The following CSMD1 variants were observed in gnomAD, a reference collection of about 807,000 sequenced individuals.
The protein encoded by CSMD1 is CUB and Sushi multiple domains 1.
Under a neutral mutation model 417.5 loss-of-function variants are expected in CSMD1, and 213 were observed. That is an observed-to-expected ratio of 0.51 (90% CI 0.46 to 0.57). CSMD1 has a LOEUF of 0.57. Ranked by LOEUF, CSMD1 falls within the 20% of genes least tolerant of loss-of-function variation. The pLI, the probability that CSMD1 is intolerant of heterozygous loss-of-function variation, is 0.00. For missense variants in CSMD1, 6,923 were observed against 4,529.7 expected (o/e 1.53, Z -15.17); for synonymous variants, 2,862 against 1,736.8 (o/e 1.65, Z -16.11).
intron 3 of CSMD1, among the ~76,000 whole-genome samples, chr8:4,304,496 C>G (rs867000071): frequency 1.3e-5 from 2 of 152,140 alleles, no homozygotes; most frequent in Non-Finnish European, 2.9e-5. Flanking sequence ...CTGACACAAA[C>G]GTAAGCCTTA....
chr8:3,566,392 C>T (rs777676127), intron 10 of CSMD1, among the ~76,000 whole-genome samples: 7 of 152,122 alleles, frequency 4.6e-5, no homozygotes, highest in South Asian at 4.2e-4. Context: ...GAAATACGAA[C>T]GGACCCAGGA....
intron 50 of CSMD1, among the ~76,000 whole-genome samples, chr8:3,036,059 T>C (rs1490296561): frequency 1.3e-5 from 2 of 152,198 alleles, no homozygotes; most frequent in African/African-American, 2.4e-5. Context: ...CAGTTGAAAG[T>C]ATAAACAATA....
intron 1 of CSMD1, among the ~76,000 whole-genome samples, chr8:4,868,060 T>C (rs1210809367): frequency 6.6e-6 from 1 of 152,040 alleles, no homozygotes; most frequent in Non-Finnish European, 1.5e-5. Flanking sequence ...GATCTCTACT[T>C]TGTCTCTTAT....
chr8:3,201,754 C>T (rs1227859798), intron 31 of CSMD1, 29 bp from the exon 32 acceptor site: 2 of 1,372,280 alleles, frequency 1.5e-6, no homozygotes, highest in South Asian at 1.3e-5. Context: ...GATGTTGGCA[C>T]AAGATGCTCT....
chr8:4,830,679 C>T (rs542275554), intron 1 of CSMD1, among the ~76,000 whole-genome samples: 1 of 152,124 alleles, frequency 6.6e-6, no homozygotes, highest in African/African-American at 2.4e-5. Context: ...TAATGCATGC[C>T]AACTAATGCC....
At chr8:4,365,699 C>T (rs1393824690) in intron 3 of CSMD1, among the ~76,000 whole-genome samples, 1 of 152,154 alleles carries the variant, frequency 6.6e-6, no homozygotes, top group Non-Finnish European at 1.5e-5. Context: ...CTGATCCAGC[C>T]TGAGACTTTC....
chr8:3,863,967 C>A (rs917186413), intron 5 of CSMD1, among the ~76,000 whole-genome samples: 5 of 152,040 alleles, frequency 3.3e-5, no homozygotes, highest in African/African-American at 1.2e-4. Flanking sequence ...ATTCTTTTTC[C>A]TGAGGCTGCA....
At chr8:4,226,188 G>A (rs771639737) in intron 3 of CSMD1, among the ~76,000 whole-genome samples, 3 of 151,834 alleles carry the variant, frequency 2.0e-5, no homozygotes, top group Non-Finnish European at 4.4e-5. Context: ...ACTTAAAGGA[G>A]ATCATTTTAC....
intron 7 of CSMD1, among the ~76,000 whole-genome samples, chr8:3,704,432 A>C (rs2129038228): frequency 6.6e-6 from 1 of 152,308 alleles, no homozygotes; most frequent in Admixed American, 6.5e-5. Flanking sequence ...AAACAAGAGA[A>C]GTGGTACTTT....
intron 12 of CSMD1, among the ~76,000 whole-genome samples, chr8:3,466,930 T>C (rs1255819643): frequency 6.6e-6 from 1 of 152,190 alleles, no homozygotes; most frequent in Non-Finnish European, 1.5e-5. Context: ...TCAAATGTTG[T>C]ATTGGTTAAT....
intron 1 of CSMD1, among the ~76,000 whole-genome samples, chr8:4,728,213 G>T (rs1187338212): frequency 6.8e-6 from 1 of 147,166 alleles, no homozygotes; most frequent in East Asian, 2.0e-4. Context: ...ATATATATTT[G>T]GTATATATAA....
At chr8:3,887,263 G>A (rs1027830202) in intron 5 of CSMD1, among the ~76,000 whole-genome samples, 2 of 152,164 alleles carry the variant, frequency 1.3e-5, no homozygotes, top group African/African-American at 4.8e-5. Flanking sequence ...CACAGCAGTG[G>A]TGACACAACC....
intron 2 of CSMD1, among the ~76,000 whole-genome samples, chr8:4,528,997 C>T (rs1034971170): frequency 9.9e-5 from 15 of 151,978 alleles, no homozygotes; most frequent in African/African-American, 1.5e-4. Flanking sequence ...CAAAAGGTGA[C>T]GTTTGTAAAA....
chr8:4,141,616 C>T (rs932604418), intron 3 of CSMD1, among the ~76,000 whole-genome samples: 2 of 150,506 alleles, frequency 1.3e-5, no homozygotes, highest in Admixed American at 6.6e-5. Context: ...ACGATTCCTC[C>T]ACTATATTTT....
At chr8:4,315,985 T>G (rs1213134877) in intron 3 of CSMD1, among the ~76,000 whole-genome samples, 1 of 152,178 alleles carries the variant, frequency 6.6e-6, no homozygotes, top group Non-Finnish European at 1.5e-5. Flanking sequence ...AATGTCATCT[T>G]TTATTCTTTT....
chr8:4,311,430 G>C (rs1391839907), intron 3 of CSMD1, among the ~76,000 whole-genome samples: 1 of 152,140 alleles, frequency 6.6e-6, no homozygotes, highest in Non-Finnish European at 1.5e-5. Flanking sequence ...TCACTTATGA[G>C]TGGAATCTAA....
At chr8:4,221,817 C>T (rs1011040770) in intron 3 of CSMD1, among the ~76,000 whole-genome samples, 3 of 152,154 alleles carry the variant, frequency 2.0e-5, no homozygotes, top group Non-Finnish European at 2.9e-5. Context: ...CCTTTTCCTA[C>T]TTGGCTCTGA....
chr8:4,093,113 C>G (rs1201495655), intron 3 of CSMD1, among the ~76,000 whole-genome samples: 8 of 152,020 alleles, frequency 5.3e-5, no homozygotes, highest in Admixed American at 3.3e-4. Flanking sequence ...GCCCTTGTGC[C>G]TAAAATCTCC....
intron 8 of CSMD1, among the ~76,000 whole-genome samples, chr8:3,603,128 G>C (rs764959983): frequency 3.2e-4 from 49 of 152,276 alleles, no homozygotes; most frequent in Non-Finnish European, 2.9e-5. Context: ...GCTTCAAGGA[G>C]TGTCAATGGG....
Sources: gnomAD v4.1 joint callset for allele counts (sites outside exome capture counted in the v4.1 genomes callset) on GRCh38, gnomAD v4.1.1 for gene constraint, MANE v1.5 for transcripts, NCBI Gene and HGNC (gene_info 2026-07-23, HGNC 2026-07-21) for gene names.